The following TRPM3 variants were observed in gnomAD, a reference collection of about 807,000 sequenced individuals.
TRPM3 encodes the protein transient receptor potential cation channel subfamily M member 3, also known as long transient receptor potential channel 3.
In TRPM3, 77 loss-of-function variants were observed where a neutral mutation model predicts 181.2. That is an observed-to-expected ratio of 0.42 (90% confidence interval 0.35 to 0.51). The LOEUF is 0.51. Ranked by LOEUF, TRPM3 falls within the 20% of genes least tolerant of loss-of-function variation. The pLI is 0.01. For synonymous variants in TRPM3, 745 were observed against 796.4 expected (o/e 0.94, Z 1.09); for missense variants, 1,759 against 2,196.7 (o/e 0.80, Z 3.98).
At chr9:70,749,192 G>A (rs1420623639) in intron 8 of TRPM3, among the ~76,000 whole-genome samples, 1 of 152,034 alleles carries the variant, frequency 6.6e-6, no homozygotes, top group Non-Finnish European at 1.5e-5. Flanking sequence ...GACAAAAGTT[G>A]GTTTATTTTC....
At chr9:70,843,412 AT>A (rs3833696) in intron 4 of TRPM3, among the ~76,000 whole-genome samples, 86,538 of 151,912 alleles carry the variant, frequency 0.57, 25,006 homozygotes, top group Non-Finnish European at 0.58. Context: ...AATAAATACA[AT>A]TTTTTTTAAC....
chr9:71,323,808 A>G (rs1806457310), intron 1 of TRPM3, among the ~76,000 whole-genome samples: 1 of 152,152 alleles, frequency 6.6e-6, no homozygotes, highest in Admixed American at 6.5e-5. Context: ...TGCAGCCTAG[A>G]AGAGAGAAAG....
At chr9:71,308,840 T>C (rs528940478) in intron 1 of TRPM3, among the ~76,000 whole-genome samples, 2 of 151,952 alleles carry the variant, frequency 1.3e-5, no homozygotes, top group East Asian at 1.9e-4. Context: ...TCTAATGCAT[T>C]GGGTCTTGCA....
At chr9:70,767,752 G>A (rs1390919492) in intron 7 of TRPM3, among the ~76,000 whole-genome samples, 2 of 152,138 alleles carry the variant, frequency 1.3e-5, no homozygotes, top group African/African-American at 4.8e-5. Context: ...GGCTAAAAGA[G>A]CTGAGGGTTG....
In TRPM3 at chr9:70,625,448, A is replaced by G; in HGVS notation, c.1668+34T>C. The G allele has an allele frequency of 6.3e-7, 1 of 1,598,606 alleles. No homozygotes were observed. The highest frequency in any genetic ancestry group is 8.5e-7 in the Non-Finnish European group (1 of 1,173,758). On this transcript the variant is annotated intron_variant, in intron 13 of 25. Transcript: ENST00000677713. The surrounding 1 kb of genome is among the most constrained non-coding windows in gnomAD (Gnocchi z 4.8). ...AAAAAAATAATGAAAAAAGAAACAT[A>G]TGAATGTATTATTATGCTGGTTAAT...
intron 1 of TRPM3, among the ~76,000 whole-genome samples, chr9:71,421,001 G>GAGAAAA (rs1554658592): frequency 6.5e-5 from 8 of 123,100 alleles, no homozygotes; most frequent in Middle Eastern, 4.3e-3. Flanking sequence ...GAGAGAAAAA[G>GAGAAAA]AGAGAAAAAG....
At chr9:70,680,655 A>G (rs2065182115) in intron 9 of TRPM3, among the ~76,000 whole-genome samples, 1 of 152,248 alleles carries the variant, frequency 6.6e-6, no homozygotes, top group African/African-American at 2.4e-5. Flanking sequence ...TGGGGCTAAG[A>G]GAGAATGTAG....
chr9:70,879,939 G>A (rs1342210284), intron 1 of TRPM3, among the ~76,000 whole-genome samples: 2 of 152,044 alleles, frequency 1.3e-5, no homozygotes, highest in African/African-American at 4.8e-5. Context: ...TGGTTTTTCT[G>A]TTAGAATCTG....
At chr9:71,097,617 C>CA (rs796195340) in intron 1 of TRPM3, among the ~76,000 whole-genome samples, 1,810 of 141,250 alleles carry the variant, frequency 0.013, 23 homozygotes, top group African/African-American at 0.041. Context: ...CATATAGGAC[C>CA]AAAAAAAAAA....
At chr9:71,060,624 G>A (rs2061219943) in intron 1 of TRPM3, among the ~76,000 whole-genome samples, 1 of 152,128 alleles carries the variant, frequency 6.6e-6, no homozygotes, top group South Asian at 2.1e-4. Context: ...CATGGGCCAT[G>A]AGTTGTGGTC....
intron 1 of TRPM3, among the ~76,000 whole-genome samples, chr9:71,164,320 C>T (rs977149437): frequency 6.6e-6 from 1 of 152,160 alleles, no homozygotes; most frequent in Non-Finnish European, 1.5e-5. Context: ...TGGGAAAACT[C>T]CTGCTGTGTT....
rs2060445606 is a variant in TRPM3 at position 70,603,428 on chromosome 9, A to C, written c.2710T>G (p.Leu904Val). The C allele has an allele frequency of 6.2e-7, 1 of 1,614,106 alleles. No individual in the cohort carries two copies. Among genetic ancestry groups the C allele is most frequent in the Non-Finnish European group, 8.5e-7 (1 of 1,180,010 alleles). ...GACGGCCAGCGTTCCATCTTCACTA[A>C]CACGATATAGTTGAAGAGCATCAGG... is the stretch of plus-strand genomic sequence containing the variant. ...GYLMLFNYIV[L>V]VKMERWPSTQ... The change falls in exon 20 of 26, where the codon TTA becomes GTA. Residue 904 changes from leucine to valine, a missense_variant. Physicochemically the swap from Leu to Val is conservative, Grantham distance 32 (BLOSUM62 1). Transcript: ENST00000677713.
intron 1 of TRPM3, among the ~76,000 whole-genome samples, chr9:71,320,249 C>T (rs17617904): frequency 0.19 from 29,342 of 151,442 alleles, 2,888 homozygotes; most frequent in Admixed American, 0.24. Context: ...AACAGCAATA[C>T]AGAGTGAAGC....
intron 18 of TRPM3, among the ~76,000 whole-genome samples, chr9:70,615,185 G>A (rs115149522): frequency 0.011 from 1,747 of 152,340 alleles, 32 homozygotes; most frequent in African/African-American, 0.039. Flanking sequence ...ATTGGTGGGG[G>A]TGGTGAGGGA....
chr9:71,157,350 C>T (rs1267784645), intron 1 of TRPM3, among the ~76,000 whole-genome samples: 1 of 152,104 alleles, frequency 6.6e-6, no homozygotes, highest in East Asian at 1.9e-4. Context: ...TATTACAACA[C>T]ATTTAAAAGT....
intron 1 of TRPM3, among the ~76,000 whole-genome samples, chr9:71,310,284 A>T (rs962700234): frequency 6.6e-6 from 1 of 152,104 alleles, no homozygotes; most frequent in South Asian, 2.1e-4. Context: ...CAGGAAAAAA[A>T]AACCCAAAAT....
At chr9:70,599,829 T>A (rs1423329150) in intron 20 of TRPM3, among the ~76,000 whole-genome samples, 1 of 152,362 alleles carries the variant, frequency 6.6e-6, no homozygotes, top group African/African-American at 2.4e-5. Flanking sequence ...GTAGCTTTTA[T>A]ATGTATGTGT....
chr9:70,629,757 G>A (rs1224213504), intron 12 of TRPM3, among the ~76,000 whole-genome samples: 1 of 152,238 alleles, frequency 6.6e-6, no homozygotes, highest in Non-Finnish European at 1.5e-5. Flanking sequence ...ATTTGGAGGA[G>A]TGAAAATTTA....
chr9:71,044,892 C>T (rs2059250491), intron 1 of TRPM3, among the ~76,000 whole-genome samples: 3 of 152,078 alleles, frequency 2.0e-5, no homozygotes, highest in Admixed American at 6.5e-5. Context: ...AGGATGATCT[C>T]GATCTCCTGA....
Sources: allele counts gnomAD v4.1 joint callset (sites outside exome capture counted in the v4.1 genomes callset), GRCh38; gene constraint gnomAD v4.1.1; non-coding constraint Gnocchi (gnomAD v3.1); transcripts MANE v1.5; gene names NCBI Gene and HGNC (gene_info 2026-07-23, HGNC 2026-07-21).